The following TNNI3K variants were observed in gnomAD, a reference collection of about 807,000 sequenced individuals.
TNNI3K encodes serine/threonine-protein kinase TNNI3K.
TNNI3K carries 140 observed loss-of-function variants against 114.5 expected under a neutral mutation model. The observed-to-expected ratio is 1.22, with a 90% CI of 1.07 to 1.41. The LOEUF (loss-of-function observed/expected upper bound fraction) is 1.41, where lower values mean the gene tolerates loss of function less well. Among genes scored for constraint, TNNI3K ranks in the 40% most tolerant of loss-of-function variants. The pLI is 0.00. For missense variants in TNNI3K, 1,125 were observed against 1,007.6 expected, an observed-to-expected ratio of 1.12 and a Z score of -1.58; for synonymous variants, 347 against 347.5, an observed-to-expected ratio of 1.00 and a Z score of 0.02.
intron 5 of TNNI3K, among the ~76,000 whole-genome samples, chr1:74,276,355 C>T (rs1326930790): frequency 6.6e-6 from 1 of 151,940 alleles, no homozygotes; most frequent in African/African-American, 2.4e-5. Flanking sequence ...AAGAGAATCT[C>T]CCCGGAGACT....
chr1:74,328,895 A>G (rs887758435), intron 5 of TNNI3K, among the ~76,000 whole-genome samples: 9 of 152,108 alleles, frequency 5.9e-5, no homozygotes, highest in Non-Finnish European at 1.3e-4. Context: ...TTAAAATAAG[A>G]GGAATTGTAA....
intron 21 of TNNI3K, chr1:74,470,366 T>G: frequency 2.5e-6 from 1 of 400,672 alleles, no homozygotes; most frequent in Admixed American, 4.4e-5. Flanking sequence ...TCATCAAGCA[T>G]ATTTTTCTCT....
At chr1:74,497,224 G>A (rs1432437155) in intron 23 of TNNI3K, among the ~76,000 whole-genome samples, 1 of 152,098 alleles carries the variant, frequency 6.6e-6, no homozygotes, top group Non-Finnish European at 1.5e-5. Flanking sequence ...GAATGAAGAA[G>A]GGAGAGCAGC....
chr1:74,520,804 TG>T (rs1284786541), intron 23 of TNNI3K, among the ~76,000 whole-genome samples: 1 of 152,054 alleles, frequency 6.6e-6, no homozygotes, highest in Non-Finnish European at 1.5e-5. Context: ...GGGTTGCAGC[TG>T]GGGTGGGTGT....
intron 5 of TNNI3K, among the ~76,000 whole-genome samples, chr1:74,318,468 C>T (rs539340998): frequency 2.0e-4 from 30 of 152,240 alleles, no homozygotes; most frequent in African/African-American, 7.0e-4. Flanking sequence ...GAGTACACTT[C>T]GAATTAGATT....
chr1:74,357,737 C>A (rs1184528081), intron 11 of TNNI3K, among the ~76,000 whole-genome samples: 1 of 152,092 alleles, frequency 6.6e-6, no homozygotes, highest in Non-Finnish European at 1.5e-5. Flanking sequence ...GTGCTTAGAG[C>A]TCCAATTTTA....
intron 23 of TNNI3K, among the ~76,000 whole-genome samples, chr1:74,509,137 C>T (rs1179027226): frequency 6.6e-6 from 1 of 152,026 alleles, no homozygotes; most frequent in African/African-American, 2.4e-5. Flanking sequence ...CTCCTTTTTC[C>T]TCATTAAATA....
chr1:74,503,055 G>A (rs1669715788), intron 23 of TNNI3K, among the ~76,000 whole-genome samples: 1 of 152,084 alleles, frequency 6.6e-6, no homozygotes, highest in Non-Finnish European at 1.5e-5. Flanking sequence ...TGTAAAATTA[G>A]GCTCTTCTTT....
intron 11 of TNNI3K, among the ~76,000 whole-genome samples, chr1:74,355,543 G>T (rs1351001649): frequency 6.6e-6 from 1 of 152,128 alleles, no homozygotes; most frequent in Non-Finnish European, 1.5e-5. Context: ...GGCAGAGGTT[G>T]TGGTGAGCTG....
intron 17 of TNNI3K, chr1:74,371,100 A>G (rs1662573733): frequency 6.6e-6 from 1 of 151,916 alleles, no homozygotes; most frequent in African/African-American, 2.4e-5. Flanking sequence ...TAGTTGGACA[A>G]ACACTGATTT....
chr1:74,501,021 G>T (rs952035668), intron 23 of TNNI3K, among the ~76,000 whole-genome samples: 1 of 151,972 alleles, frequency 6.6e-6, no homozygotes, highest in Non-Finnish European at 1.5e-5. Flanking sequence ...CATAAACTCT[G>T]GATAATCCTC....
chr1:74,417,811 A>G (rs1347574127), intron 17 of TNNI3K, among the ~76,000 whole-genome samples: 1 of 151,954 alleles, frequency 6.6e-6, no homozygotes, highest in East Asian at 1.9e-4. Context: ...TTAATAATTG[A>G]TACATTTAGG....
chr1:74,250,560 C>G, intron 3 of TNNI3K, 112 bp from the exon 4 acceptor site: 2 of 916,210 alleles, frequency 2.2e-6, no homozygotes, highest in Non-Finnish European at 3.1e-6. Flanking sequence ...GCCTGCAGAA[C>G]GCAGCTTGAC....
At chr1:74,357,618 A>G (rs539259085) in intron 11 of TNNI3K, among the ~76,000 whole-genome samples, 5 of 152,274 alleles carry the variant, frequency 3.3e-5, no homozygotes, top group African/African-American at 1.2e-4. Flanking sequence ...TTCTATTTGC[A>G]TAGCCCTTCT....
At chr1:74,532,757 G>A (rs1272774715) in intron 23 of TNNI3K, among the ~76,000 whole-genome samples, 1 of 151,784 alleles carries the variant, frequency 6.6e-6, no homozygotes, top group African/African-American at 2.4e-5. Context: ...CAGAAATAAT[G>A]CTGCATATCT....
intron 5 of TNNI3K, among the ~76,000 whole-genome samples, chr1:74,289,954 A>C (rs1001594465): frequency 3.3e-5 from 5 of 151,832 alleles, no homozygotes; most frequent in Admixed American, 3.3e-4. Flanking sequence ...TTGAAAATCT[A>C]GTCAATCACC....
At chr1:74,250,887 G>A (rs932764534) in intron 4 of TNNI3K, 118 bp downstream of exon 4, 16 of 819,172 alleles carry the variant, frequency 2.0e-5, no homozygotes, top group South Asian at 7.4e-5. Context: ...GACCAGAGGC[G>A]TTACATTACT....
At chr1:74,466,196 C>A (rs1024134866) in intron 21 of TNNI3K, among the ~76,000 whole-genome samples, 2 of 152,280 alleles carry the variant, frequency 1.3e-5, no homozygotes, top group African/African-American at 4.8e-5. Context: ...CGTGGGTGTG[C>A]GGCTTCATTC....
intron 24 of TNNI3K, 82 bp downstream of exon 24, chr1:74,540,395 T>C (rs1235634282): frequency 3.1e-6 from 4 of 1,271,242 alleles, no homozygotes; most frequent in East Asian, 2.4e-5. Flanking sequence ...GGAGAAAGCA[T>C]TGCATATTGT....
Sources: gnomAD v4.1 joint callset for allele counts (sites outside exome capture counted in the v4.1 genomes callset) on GRCh38, gnomAD v4.1.1 for gene constraint, MANE v1.5 for transcripts, NCBI Gene and HGNC (gene_info 2026-07-23, HGNC 2026-07-21) for gene names.